The following SOX5 variants were observed in gnomAD, a reference collection of about 807,000 sequenced individuals.
SOX5 encodes SRY-box transcription factor 5, also known as transcription factor SOX-5.
SOX5 carries 9 observed loss-of-function variants against 92.0 expected under a neutral mutation model. The observed-to-expected ratio is 0.10, with a 90% CI of 0.06 to 0.17. The LOEUF (loss-of-function observed/expected upper bound fraction) is 0.17, where lower values mean the gene tolerates loss of function less well. SOX5 is among the 10% of genes least tolerant of loss of function. SOX5 has a pLI of 1.00. For synonymous variants in SOX5, 344 were observed against 336.3 expected (o/e 1.02, Z -0.25); for missense variants, 642 against 944.5 (o/e 0.68, Z 4.20).
rs1555456188 is a variant in SOX5, at chr12:23,970,841, A to ATTTTTTT, written c.-1-74824_-1-74818dup. 5.9e-4 allele frequency among the ~76,000 whole-genome samples: 13 copies of ATTTTTTT among 21,876 alleles called. 4 individuals are homozygous for ATTTTTTT. Among genetic ancestry groups the ATTTTTTT allele is most frequent in the Admixed American group, 1.5e-3 (2 of 1,292 alleles). The allele number at this position is 21,876 out of a possible 152,430, so 14.4% of individuals were successfully genotyped here. Reference sequence around the variant, plus strand: ...ACATGGGACTTTATATATATATATAATTTTTTTTTTTTTTTAAGAAATGGG... The same window carrying ATTTTTTT: ...ACATGGGACTTTATATATATATATAATTTTTTTTTTTTTTTTTTTTTTAAGAAATGGG... On this transcript the variant is annotated intron_variant, in intron 4 of 4. Transcript: ENST00000446891.
At chr12:24,372,189 G>C (rs190437371) in intron 1 of SOX5, among the ~76,000 whole-genome samples, 9 of 152,144 alleles carry the variant, frequency 5.9e-5, no homozygotes, top group Admixed American at 4.6e-4. Context: ...GAACGTTCAG[G>C]TTTGTTACAT....
At chr12:23,543,761 A>C (rs939542927) in intron 12 of SOX5, among the ~76,000 whole-genome samples, 1 of 152,202 alleles carries the variant, frequency 6.6e-6, no homozygotes, top group Non-Finnish European at 1.5e-5. Flanking sequence ...AAGAAGCACA[A>C]ATCAATTTGG....
intron 4 of SOX5, among the ~76,000 whole-genome samples, chr12:24,026,736 T>C (rs892291413): frequency 1.3e-5 from 2 of 151,316 alleles, no homozygotes; most frequent in African/African-American, 2.4e-5. Flanking sequence ...AATCTGCAAC[T>C]GTGTTAATGT....
At chr12:24,219,088 A>G (rs1959771248) in intron 3 of SOX5, among the ~76,000 whole-genome samples, 1 of 152,116 alleles carries the variant, frequency 6.6e-6, no homozygotes, top group South Asian at 2.1e-4. Context: ...TGACTGTTAT[A>G]AAAGAAAATT....
At chr12:23,918,124 T>A (rs2097436915) in intron 1 of SOX5, among the ~76,000 whole-genome samples, 1 of 152,226 alleles carries the variant, frequency 6.6e-6, no homozygotes, top group South Asian at 2.1e-4. Flanking sequence ...TAAGACAGCA[T>A]GTATTTATAT....
chr12:23,836,431 A>C lies in SOX5; in HGVS notation c.481+9552T>G, dbSNP rs146119700. 3.0e-3 allele frequency among the ~76,000 whole-genome samples: 460 copies of C among 152,142 alleles called. 2 individuals are homozygous for C. Among genetic ancestry groups the C allele is most frequent in the African/African-American group, 0.01 (423 of 41,558 alleles). On this transcript the variant is annotated intron_variant, in intron 3 of 14. Coordinates refer to ENST00000451604, the MANE Select transcript of SOX5 (RefSeq NM_006940.6). ...AGATGCAAGCCAAATATATCAATAT[A>C]TTATTCTCCTATTTATAAGTTGCAA...
rs552358421 is a variant in SOX5, at chr12:23,600,375, G to C, written c.1164+4012C>G. ...TAGTCCTGGAGTAAGATCCAAAAGG[G>C]AACAAATTAAATAATTGCTGAAGAG... On this transcript the variant is annotated intron_variant, in intron 9 of 14. Coordinates refer to ENST00000451604, the MANE Select transcript of SOX5 (RefSeq NM_006940.6). Among the ~76,000 whole-genome samples, 11 of 151,442 alleles carry C rather than the reference G, an allele frequency of 7.3e-5. No individual in the cohort carries two copies. In the East Asian group the frequency reaches 1.6e-3, roughly 21 times the overall value.
chr12:24,349,175 G>A (rs1164118973), intron 2 of SOX5, among the ~76,000 whole-genome samples: 1 of 152,158 alleles, frequency 6.6e-6, no homozygotes, highest in Admixed American at 6.5e-5. Flanking sequence ...TTCTCAGCAT[G>A]GTTCATGTCT....
chr12:24,374,535 ACATG>A (rs1957059843), intron 1 of SOX5, among the ~76,000 whole-genome samples: 1 of 151,822 alleles, frequency 6.6e-6, no homozygotes, highest in Non-Finnish European at 1.5e-5. Context: ...ACACACACAC[ACATG>A]CATGCACAAA....
intron 1 of SOX5, among the ~76,000 whole-genome samples, chr12:24,414,354 T>C (rs572349069): frequency 5.7e-4 from 87 of 152,250 alleles, no homozygotes; most frequent in African/African-American, 2.0e-3. Flanking sequence ...GTGGATCCCA[T>C]TGGGGGAAAA....
At chr12:23,950,264 A>G (rs538128854), upstream of SOX5, among the ~76,000 whole-genome samples, 13 of 84,692 alleles carry the variant, frequency 1.5e-4, no homozygotes, top group Non-Finnish European at 2.6e-4. Flanking sequence ...AAATACACGC[A>G]CACACACACA....
In SOX5 at chr12:24,251,861, T is replaced by A. The variant is rs370812143; in HGVS notation, c.-77+25355A>T. Among the ~76,000 whole-genome samples, 104 of 152,196 alleles carry A rather than the reference T, an allele frequency of 6.8e-4. 1 individual carries two copies. The highest frequency in any genetic ancestry group is 3.4e-3 in the Middle Eastern group (1 of 294). The stretch of plus-strand genomic sequence containing the variant: ...TGCTGGGATTACAGGCATGAGCTAC[T>A]GTGCCTGGCCAGATTTTTTAAAAAT... On this transcript the variant is annotated intron_variant, in intron 3 of 4. Transcript: ENST00000446891.
chr12:24,157,530 G>A (rs564480745), intron 4 of SOX5, among the ~76,000 whole-genome samples: 7 of 152,054 alleles, frequency 4.6e-5, no homozygotes, highest in East Asian at 1.9e-4. Flanking sequence ...ATGGGGCAAC[G>A]CAACTGTTTT....
At chr12:24,232,867 A>C (rs890278478) in intron 3 of SOX5, among the ~76,000 whole-genome samples, 2 of 152,200 alleles carry the variant, frequency 1.3e-5, no homozygotes, top group African/African-American at 2.4e-5. Context: ...CTTAAAAAAA[A>C]ACTTGGATGA....
At chr12:24,467,295 C>T (rs1042494404) in intron 1 of SOX5, among the ~76,000 whole-genome samples, 2 of 152,140 alleles carry the variant, frequency 1.3e-5, no homozygotes, top group Non-Finnish European at 2.9e-5. Context: ...AACATATTAG[C>T]CCAATATTTG....
intron 1 of SOX5, among the ~76,000 whole-genome samples, chr12:24,428,223 A>C (rs1413841623): frequency 6.6e-6 from 1 of 152,038 alleles, no homozygotes; most frequent in Non-Finnish European, 1.5e-5. Flanking sequence ...AAAAAAAAAA[A>C]AAACCTGAGT....
chr12:23,569,167 G>A (rs1473175989), intron 10 of SOX5, among the ~76,000 whole-genome samples: 1 of 152,094 alleles, frequency 6.6e-6, no homozygotes, highest in Non-Finnish European at 1.5e-5. Flanking sequence ...ACTTCAGCTT[G>A]GGTGACAAAG....
intron 4 of SOX5, among the ~76,000 whole-genome samples, chr12:23,748,119 A>G (rs2094057208): frequency 6.6e-6 from 1 of 152,048 alleles, no homozygotes; most frequent in Non-Finnish European, 1.5e-5. Flanking sequence ...AGTTAGCATT[A>G]TATGTTATAT....
At chr12:23,568,765 T>C (rs1947607843) in intron 10 of SOX5, among the ~76,000 whole-genome samples, 1 of 152,174 alleles carries the variant, frequency 6.6e-6, no homozygotes, top group South Asian at 2.1e-4. Flanking sequence ...CTCCATCCTC[T>C]GCTTTCATGA....
Sources: allele counts gnomAD v4.1 joint callset (sites outside exome capture counted in the v4.1 genomes callset), GRCh38; gene constraint gnomAD v4.1.1; transcripts MANE v1.5; gene names NCBI Gene and HGNC (gene_info 2026-07-23, HGNC 2026-07-21).